The following ERI2 variants were observed in gnomAD, a reference collection of about 807,000 sequenced individuals.
ERI2 encodes the protein ERI1 exoribonuclease family member 2.
ERI2 carries 35 observed loss-of-function variants against 46.8 expected under a neutral mutation model. That is an observed-to-expected ratio of 0.75 (90% CI 0.57 to 0.99). The LOEUF is 0.99. Among genes scored for constraint, ERI2 ranks in the 50% least tolerant of loss-of-function variants. ERI2 has a pLI of 0.00. For synonymous variants in ERI2, 224 were observed against 271.0 expected (o/e 0.83, Z 1.70); for missense variants, 695 against 796.2 (o/e 0.87, Z 1.53).
At chr16:20,804,615 G>C (rs538086900) in intron 1 of ERI2, among the ~76,000 whole-genome samples, 1 of 152,172 alleles carries the variant, frequency 6.6e-6, no homozygotes, top group African/African-American at 2.4e-5. Context: ...GCAGTGAGCC[G>C]AGATCATGCC....
intron 10 of ERI2, among the ~76,000 whole-genome samples, chr16:20,786,759 C>T (rs918163163): frequency 1.3e-5 from 2 of 152,182 alleles, no homozygotes; most frequent in African/African-American, 4.8e-5. Flanking sequence ...AACCATTTTA[C>T]AAACAAGGCA....
rs940729000 is a variant in ERI2, at chr16:20,797,337, A to C, written c.*387T>G. The C allele has an allele frequency of 3.0e-6, 3 of 1,006,904 alleles. No homozygotes were observed. The African/African-American group carries it at 5.2e-5, about 17-fold the overall frequency. The allele number at this position is 1,006,904 out of a possible 1,614,324, so 62.4% of individuals were successfully genotyped here. A position where few individuals can be genotyped will look rare whatever the true frequency, so the allele number is the denominator to read the frequency against. On this transcript the variant is annotated 3_prime_UTR_variant, in exon 9 of 9. Coordinates refer to ENST00000357967, the MANE Select transcript of ERI2 (RefSeq NM_001142725.2). ...ATATACAAATCAGAACCAATGTTCA[A>C]GCCTGAAATAAAACTAAAGAACTTA...
At chr16:20,800,135 A>G in intron 6 of ERI2, 97 bp from the exon 7 acceptor site, 3 of 917,764 alleles carry the variant, frequency 3.3e-6, no homozygotes, top group Non-Finnish European at 3.4e-6. Context: ...TAGATTTAGA[A>G]TGTGCTTATT....
At chr16:20,789,900 C>T (rs540119827) in intron 9 of ERI2, among the ~76,000 whole-genome samples, 38 of 151,722 alleles carry the variant, frequency 2.5e-4, no homozygotes, top group Non-Finnish European at 4.9e-4. Flanking sequence ...TCTTGAACTC[C>T]TGACCTCAGG....
chr16:20,784,921 T>C, intron 10 of ERI2: 2 of 1,540,592 alleles, frequency 1.3e-6, no homozygotes, highest in African/African-American at 1.4e-5. Context: ...TAAGAAATAA[T>C]CCTTAATCTT....
In ERI2 at chr16:20,799,314, CCAAG is replaced by C; in HGVS notation, c.677_680del (p.Ala226GlyfsTer3). The C allele has an allele frequency of 6.2e-7, 1 of 1,613,710 alleles. No individual in the cohort carries two copies. Among genetic ancestry groups the C allele is most frequent in the Non-Finnish European group, 8.5e-7 (1 of 1,179,718 alleles). ...TTACACAACCATCTCTGATCATTTT[CCAAG>C]CAAGAAGGGCAGTATTCCGAGAATC... On this transcript the variant is annotated frameshift_variant, in exon 8 of 9. Coordinates refer to ENST00000357967, the MANE Select transcript of ERI2 (RefSeq NM_001142725.2). LOFTEE classifies it high-confidence loss of function.
intron 1 of ERI2, among the ~76,000 whole-genome samples, chr16:20,804,334 A>G (rs989685939): frequency 6.6e-6 from 1 of 152,068 alleles, no homozygotes; most frequent in Non-Finnish European, 1.5e-5. Context: ...AATGTAGGAC[A>G]TGGTTCAGTC....
At chr16:20,804,358 A>T (rs1008679396) in intron 1 of ERI2, among the ~76,000 whole-genome samples, 21 of 152,108 alleles carry the variant, frequency 1.4e-4, no homozygotes, top group African/African-American at 4.3e-4. Flanking sequence ...CAGTTTAAAA[A>T]TCTGGGTAAA....
chr16:20,788,649 CTTT>C (rs981996280), intron 10 of ERI2, among the ~76,000 whole-genome samples: 1 of 152,112 alleles, frequency 6.6e-6, no homozygotes, highest in African/African-American at 2.4e-5. Flanking sequence ...TTATAATCTT[CTTT>C]GTTTGCTTTT....
chr16:20,802,585 T>TC (rs1433937958), intron 4 of ERI2, among the ~76,000 whole-genome samples: 1 of 151,230 alleles, frequency 6.6e-6, no homozygotes, highest in Non-Finnish European at 1.5e-5. Flanking sequence ...TTTTTTTTTT[T>TC]TTTTTTTTTA....
At chr16:20,787,719 T>C (rs1210312354) in intron 10 of ERI2, among the ~76,000 whole-genome samples, 2 of 152,258 alleles carry the variant, frequency 1.3e-5, no homozygotes, top group African/African-American at 4.8e-5. Context: ...GGTCTCAAGA[T>C]AGGATAGCCT....
exon 11 of ERI2, chr16:20,780,470 G>A (rs2080328080): frequency 1.4e-6 from 1 of 713,024 alleles, no homozygotes; most frequent in Non-Finnish European, 2.2e-6. Flanking sequence ...CTTTATCATA[G>A]AATAAAAAGC....
chr16:20,806,191 G>T (rs1174735969), intron 1 of ERI2: 1 of 1,394,520 alleles, frequency 7.2e-7, no homozygotes, highest in African/African-American at 1.5e-5. Context: ...TCCGCCTCGG[G>T]CTCCTGTCAC....
chr16:20,792,629 C>T (rs942094629), downstream of ERI2: 8 of 985,276 alleles, frequency 8.1e-6, no homozygotes, highest in African/African-American at 1.7e-5. Flanking sequence ...CCCAGGCTCA[C>T]GTCAGGATGG....
chr16:20,800,156 T>G (rs2080781113), intron 6 of ERI2, 118 bp from the exon 7 acceptor site: 2 of 876,112 alleles, frequency 2.3e-6, no homozygotes, highest in Non-Finnish European at 3.5e-6. Context: ...TTTTGTGTGT[T>G]GTTTTTAAAT....
At chr16:20,786,117 C>T (rs765370178) in intron 10 of ERI2, 3 of 1,603,232 alleles carry the variant, frequency 1.9e-6, no homozygotes, top group Admixed American at 3.5e-5. Flanking sequence ...GAAAATTAAA[C>T]CTGGCTCAAT....
Position 20,797,120 on chromosome 16 carries a change from G to T in ERI2, c.*604C>A. On this transcript the variant is annotated 3_prime_UTR_variant, in exon 9 of 9. Transcript: ENST00000357967. Reference sequence around the variant, plus strand: ...ATATCTTGTGGTTATGATATCAGAGGCTAAATTTTGAAATAAAATATTTGG... The same window carrying T: ...ATATCTTGTGGTTATGATATCAGAGTCTAAATTTTGAAATAAAATATTTGG... 1 of 1,367,582 alleles carries T rather than the reference G, an allele frequency of 7.3e-7. No homozygotes were observed. Among genetic ancestry groups the T allele is most frequent in the Non-Finnish European group, 9.4e-7 (1 of 1,062,012 alleles). The allele number at this position is 1,367,582 out of a possible 1,614,324, so 84.7% of individuals were successfully genotyped here.
chr16:20,790,678 C>G lies in ERI2; in HGVS notation c.815+172G>C. ...CCCAACCGACCATTTGGCCTTTTTA[C>G]TCATTACGTAGTAAGTGACTTACTA... On this transcript the variant is annotated intron_variant, in intron 9 of 10. Transcript: ENST00000300005. This position sits in a 1 kb window ranked among gnomAD's most constrained non-coding sequence, Gnocchi z 4.0. The G allele has an allele frequency of 6.2e-7, 1 of 1,614,072 alleles. No homozygotes were observed. Among genetic ancestry groups the G allele is most frequent in the Non-Finnish European group, 8.5e-7 (1 of 1,179,970 alleles).
At chr16:20,794,664 A>G (rs1435849651), downstream of ERI2, among the ~76,000 whole-genome samples, 1 of 152,224 alleles carries the variant, frequency 6.6e-6, no homozygotes, top group East Asian at 1.9e-4. Flanking sequence ...TTGTAATTCT[A>G]AGACTACAAC....
Sources: allele counts gnomAD v4.1 joint callset (sites outside exome capture counted in the v4.1 genomes callset), GRCh38; gene constraint gnomAD v4.1.1; non-coding constraint Gnocchi (gnomAD v3.1); transcripts MANE v1.5; gene names NCBI Gene and HGNC (gene_info 2026-07-23, HGNC 2026-07-21).